Variants in SPSB1 observed in about 807,000 individuals in gnomAD.
The protein encoded by SPSB1 is splA/ryanodine receptor domain and SOCS box containing 1, also known as SPRY domain-containing SOCS box protein 1.
Under a neutral mutation model 21.2 loss-of-function variants are expected in SPSB1, and 8 were observed. The observed-to-expected ratio is 0.38, with a 90% CI of 0.22 to 0.68. SPSB1 has a LOEUF of 0.68. Ranked by LOEUF, SPSB1 falls within the 30% of genes least tolerant of loss-of-function variation. The probability of loss-of-function intolerance (pLI) is 0.53; values close to 1 mark genes in which losing one functional copy is unlikely to be tolerated. For missense variants in SPSB1, 242 were observed against 377.8 expected (o/e 0.64, Z 2.98); for synonymous variants, 169 against 161.7 (o/e 1.05, Z -0.34).
chr1:9,310,884 A>G (rs1639507279), intron 1 of SPSB1, among the ~76,000 whole-genome samples: 1 of 152,224 alleles, frequency 6.6e-6, no homozygotes, highest in Admixed American at 6.5e-5. Flanking sequence ...TAAGGGGGCC[A>G]CAGCGTGCTT....
intron 1 of SPSB1, among the ~76,000 whole-genome samples, chr1:9,304,458 GCCTTA>G (rs1639381090): frequency 2.6e-5 from 4 of 152,154 alleles, no homozygotes; most frequent in African/African-American, 9.7e-5. Context: ...AGTTATGGTC[GCCTTA>G]AGAATCTGGT....
At chr1:9,325,796 CA>C (rs1179680675) in intron 1 of SPSB1, among the ~76,000 whole-genome samples, 1 of 152,170 alleles carries the variant, frequency 6.6e-6, no homozygotes, top group Non-Finnish European at 1.5e-5. Flanking sequence ...AGAAAGGCCT[CA>C]GTGACGTGGT....
chr1:9,367,309 G>A lies in SPSB1; in HGVS notation c.695-139G>A, dbSNP rs1640590598. ...GCTATTCACATGCTAAATTTAAAATGAAAAAGCATTGCATTTTTCATTGTT... is the reference window on the plus strand; with the variant it reads ...GCTATTCACATGCTAAATTTAAAATAAAAAAGCATTGCATTTTTCATTGTT... On this transcript the variant is annotated intron_variant, in intron 2 of 2. Transcript: ENST00000328089. The surrounding 1 kb of genome is among the most constrained non-coding windows in gnomAD (Gnocchi z 5.9). The A allele has an allele frequency of 1.3e-6, 2 of 1,512,834 alleles. No individual in the cohort carries two copies. Among genetic ancestry groups the A allele is most frequent in the South Asian group, 2.3e-5 (2 of 86,042 alleles). 93.7% of individuals were successfully genotyped at this position (1,512,834 alleles called of 1,614,324 possible).
chr1:9,326,732 C>T (rs1017843172), intron 1 of SPSB1, among the ~76,000 whole-genome samples: 7 of 152,234 alleles, frequency 4.6e-5, no homozygotes, highest in Non-Finnish European at 1.0e-4. Context: ...GCCGTCTTCC[C>T]TCCCACTGGC....
rs773335378 is a variant in SPSB1, at chr1:9,356,098, G to C, written c.207G>C (p.Glu69Asp). 3.1e-6 allele frequency: 5 copies of C among 1,608,238 alleles called. No homozygotes were observed. The highest frequency in any genetic ancestry group is 4.3e-6 in the Non-Finnish European group (5 of 1,175,676). ...NDRSLNVFVKEDDKLIFHRHP... is the reference protein window; with the variant it reads ...NDRSLNVFVKDDDKLIFHRHP... ...GATCGCTCAATGTCTTTGTGAAGGA[G>C]GACGACAAGCTCATCTTTCACCGGC... is the stretch of plus-strand genomic sequence containing the variant. Residue 69 changes from glutamate to aspartate, a missense_variant, in exon 2 of 3, where the codon GAG becomes GAC. Transcript: ENST00000328089. The surrounding 1 kb of genome is among the most constrained non-coding windows in gnomAD (Gnocchi z 7.4).
At chr1:9,353,386 T>C (rs1158076050) in intron 1 of SPSB1, among the ~76,000 whole-genome samples, 5 of 152,234 alleles carry the variant, frequency 3.3e-5, no homozygotes, top group Non-Finnish European at 7.4e-5. Flanking sequence ...TGCAGCGCCA[T>C]GGAGGGAGTC....
chr1:9,358,737 C>G (rs1640417636), intron 2 of SPSB1, among the ~76,000 whole-genome samples: 1 of 152,154 alleles, frequency 6.6e-6, no homozygotes, highest in African/African-American at 2.4e-5. Flanking sequence ...ATGAAGATTT[C>G]CAGCCCTGTG....
chr1:9,294,799 TG>T (rs942030360), intron 1 of SPSB1, among the ~76,000 whole-genome samples: 1 of 152,076 alleles, frequency 6.6e-6, no homozygotes, highest in Non-Finnish European at 1.5e-5. Flanking sequence ...AGGAAGGGGA[TG>T]GGGGCCTCTC....
chr1:9,293,172 C>T lies in SPSB1; in HGVS notation c.-150+101C>T. On this transcript the variant is annotated intron_variant, in intron 1 of 2. Transcript: ENST00000328089. This position sits in a 1 kb window ranked among gnomAD's most constrained non-coding sequence, Gnocchi z 5.1. ...GAGGGCGGACGCGGGGATCGCGCCG[C>T]TGGGGGACCGAGTGGGTGGCGCGGG... is the stretch of plus-strand genomic sequence containing the variant. 1 of 965,806 alleles carries T rather than the reference C, an allele frequency of 1.0e-6. No homozygotes were observed. The highest frequency in any genetic ancestry group is 6.3e-5 in the Admixed American group (1 of 15,844). 59.8% of individuals were successfully genotyped at this position (965,806 alleles called of 1,614,324 possible).
Position 9,321,646 on chromosome 1 carries a change from T to C in SPSB1, c.-150+28575T>C, listed in dbSNP as rs1380833889. ...CATCTGAGACCCGTCGACCGTGAGC[T>C]TCACCTTTAAATAAAAAAAAAAATG... On this transcript the variant is annotated intron_variant, in intron 1 of 2. Transcript: ENST00000328089. This position sits in a 1 kb window ranked among gnomAD's most constrained non-coding sequence, Gnocchi z 4.8. 1.3e-5 allele frequency among the ~76,000 whole-genome samples: 2 copies of C among 152,032 alleles called. No homozygotes were observed. The highest frequency in any genetic ancestry group is 1.9e-4 in the East Asian group (1 of 5,184).
At chr1:9,298,382 ATGAG>A (rs1273609358) in intron 1 of SPSB1, among the ~76,000 whole-genome samples, 13 of 62,196 alleles carry the variant, frequency 2.1e-4, no homozygotes, top group African/African-American at 4.8e-4. Context: ...GAATGAATGA[ATGAG>A]TGAATGAATG....
In SPSB1 at chr1:9,292,898, A is replaced by G. The variant is rs1271692243; in HGVS notation, c.-323A>G. ...GTCGGTTGCTTTTTCTCCTCCGCAC[A>G]GAAGTCGCGCTCGGGCAGCCTGCGC... On this transcript the variant is annotated 5_prime_UTR_variant, in exon 1 of 3. Coordinates refer to ENST00000328089, the MANE Select transcript of SPSB1 (RefSeq NM_025106.4). 5.1e-6 allele frequency: 5 copies of G among 979,666 alleles called. No homozygotes were observed. In the East Asian group the frequency reaches 5.0e-4, roughly 97 times the overall value. The allele number at this position is 979,666 out of a possible 1,614,324, so 60.7% of individuals were successfully genotyped here.
intron 1 of SPSB1, among the ~76,000 whole-genome samples, chr1:9,322,674 AC>A (rs1639739713): frequency 6.6e-6 from 1 of 152,120 alleles, no homozygotes; most frequent in African/African-American, 2.4e-5. Context: ...GGCCAGGACC[AC>A]CTGCAGGTTC....
chr1:9,359,911 C>T (rs571727050), intron 2 of SPSB1, among the ~76,000 whole-genome samples: 3 of 152,010 alleles, frequency 2.0e-5, no homozygotes, highest in East Asian at 3.9e-4. Flanking sequence ...ATCCATGGAC[C>T]GGATGTGACG....
chr1:9,295,297 T>C (rs539255347), intron 1 of SPSB1, among the ~76,000 whole-genome samples: 2 of 152,202 alleles, frequency 1.3e-5, no homozygotes, highest in East Asian at 3.9e-4. Context: ...TTTACAAGTC[T>C]TCCTTTTCCA....
chr1:9,346,447 G>A lies in SPSB1; in HGVS notation c.-149-9296G>A, dbSNP rs1278432885. Among the ~76,000 whole-genome samples the A allele has an allele frequency of 6.6e-6, 1 of 152,148 alleles. No individual in the cohort carries two copies. The highest frequency in any genetic ancestry group is 1.5e-5 in the Non-Finnish European group (1 of 68,038). Reference sequence around the variant, plus strand: ...CCTTTCTGTCTGTCTGTCCCCAGTCGCTTTGGCTACATCCCCAAAAGAGGG... The same window carrying A: ...CCTTTCTGTCTGTCTGTCCCCAGTCACTTTGGCTACATCCCCAAAAGAGGG... On this transcript the variant is annotated intron_variant, in intron 1 of 2. Coordinates refer to ENST00000328089, the MANE Select transcript of SPSB1 (RefSeq NM_025106.4). This position sits in a 1 kb window ranked among gnomAD's most constrained non-coding sequence, Gnocchi z 4.4.
At position 9,367,459 on chromosome 1, in the gene SPSB1, C is replaced by CCGCTCATGGATTTGTGCCGT; in HGVS notation, c.712_731dup (p.Val245TrpfsTer71). The CCGCTCATGGATTTGTGCCGT allele has an allele frequency of 6.2e-7, 1 of 1,613,758 alleles. No homozygotes were observed. The highest frequency in any genetic ancestry group is 8.5e-7 in the Non-Finnish European group (1 of 1,179,960). ...CTCTGTCTCCCCAGCCGAGCCGCTG[C>CCGCTCATGGATTTGTGCCGT]CGCTCATGGATTTGTGCCGTCGCTC... On this transcript the variant is annotated frameshift_variant, in exon 3 of 3. Coordinates refer to ENST00000328089, the MANE Select transcript of SPSB1 (RefSeq NM_025106.4). LOFTEE classifies it high-confidence loss of function. This position sits in a 1 kb window ranked among gnomAD's most constrained non-coding sequence, Gnocchi z 5.9.
At chr1:9,315,624 T>G (rs1639600904) in intron 1 of SPSB1, among the ~76,000 whole-genome samples, 1 of 152,246 alleles carries the variant, frequency 6.6e-6, no homozygotes, top group African/African-American at 2.4e-5. Flanking sequence ...CTTGGCCTGA[T>G]GCCAGTGACC....
At chr1:9,339,162 C>A (rs1460254723) in intron 1 of SPSB1, 16 of 972,056 alleles carry the variant, frequency 1.6e-5, no homozygotes, top group Non-Finnish European at 2.0e-5. Context: ...CTGCCCTCAC[C>A]CCTCTTCTGT....
Sources: gnomAD v4.1 joint callset for allele counts (sites outside exome capture counted in the v4.1 genomes callset) on GRCh38, gnomAD v4.1.1 for gene constraint, Gnocchi (gnomAD v3.1) non-coding constraint, MANE v1.5 for transcripts, NCBI Gene and HGNC (gene_info 2026-07-23, HGNC 2026-07-21) for gene names.